Variants in ARMC8 observed in about 807,000 individuals in gnomAD.
The protein encoded by ARMC8 is armadillo repeat-containing protein 8.
Under a neutral mutation model 99.3 loss-of-function variants are expected in ARMC8, and 20 were observed. The observed-to-expected ratio is 0.20, with a 90% confidence interval of 0.14 to 0.29. The LOEUF (loss-of-function observed/expected upper bound fraction) is 0.29, where lower values mean the gene tolerates loss of function less well. Ranked by LOEUF, ARMC8 falls within the 10% of genes least tolerant of loss-of-function variation. ARMC8 has a pLI of 1.00. For synonymous variants in ARMC8, 263 were observed against 278.3 expected (o/e 0.95, Z 0.55); for missense variants, 569 against 809.5 (o/e 0.70, Z 3.60).
intron 2 of ARMC8, among the ~76,000 whole-genome samples, chr3:138,212,388 C>G (rs1238784311): frequency 6.6e-6 from 1 of 151,164 alleles, no homozygotes; most frequent in Non-Finnish European, 1.5e-5. Context: ...CGGCTCACCG[C>G]AACCTCCACC....
In ARMC8 at chr3:138,270,070, C is replaced by T; in HGVS notation, c.1417C>T (p.Leu473Phe). 2 of 1,613,320 alleles carry T rather than the reference C, an allele frequency of 1.2e-6. No homozygotes were observed. Among genetic ancestry groups the T allele is most frequent in the Non-Finnish European group, 1.7e-6 (2 of 1,179,662 alleles). ...PILESGAVEL[L>F]CGLTQSENPA... Reference sequence around the variant, plus strand: ...TTTGGAATCAGGAGCCGTAGAGCTACTTTGTGGATTAACTCAGAGTGAAAA... The same window carrying T: ...TTTGGAATCAGGAGCCGTAGAGCTATTTTGTGGATTAACTCAGAGTGAAAA... The change falls in exon 16 of 22, where the codon CTT (leucine) becomes TTT (phenylalanine). Residue 473 changes from leucine to phenylalanine, a missense_variant. Leu to Phe is a conservative substitution (Grantham distance 22). Coordinates refer to ENST00000469044, the MANE Select transcript of ARMC8 (RefSeq NM_001363941.2).
rs1200142727 is a variant in ARMC8, at chr3:138,253,470, CTT to C, written c.1134+8289_1134+8290del. ...GCCTATGTTTTTAACTATTACATCA[CTT>C]TATACATGCTAAGTTAAATACCATT... On this transcript the variant is annotated intron_variant, in intron 12 of 21. Coordinates refer to ENST00000469044, the MANE Select transcript of ARMC8 (RefSeq NM_001363941.2). Among the ~76,000 whole-genome samples, 3 of 152,254 alleles carry C rather than the reference CTT, an allele frequency of 2.0e-5. No homozygotes were observed. The East Asian group carries it at 5.8e-4, about 29-fold the overall frequency.
At chr3:138,253,814 A>G (rs1426341562) in intron 12 of ARMC8, among the ~76,000 whole-genome samples, 2 of 152,186 alleles carry the variant, frequency 1.3e-5, no homozygotes, top group Non-Finnish European at 2.9e-5. Context: ...CTAAATTGCT[A>G]TGTAGTAATT....
intron 14 of ARMC8, among the ~76,000 whole-genome samples, chr3:138,264,538 G>A (rs1373112624): frequency 6.9e-6 from 1 of 145,580 alleles, no homozygotes; most frequent in African/African-American, 2.5e-5. Context: ...TTCTGCCTCA[G>A]CCTCTCTAGT....
chr3:138,239,861 TAC>T (rs1252628740), intron 10 of ARMC8, among the ~76,000 whole-genome samples: 2 of 152,214 alleles, frequency 1.3e-5, no homozygotes, highest in Admixed American at 1.3e-4. Context: ...AAATTTGTAC[TAC>T]AGTTTTAGAG....
chr3:138,243,081 C>A (rs1482347747), intron 11 of ARMC8, among the ~76,000 whole-genome samples: 1 of 152,180 alleles, frequency 6.6e-6, no homozygotes, highest in Non-Finnish European at 1.5e-5. Flanking sequence ...GATACATGAG[C>A]AACCCTTAGC....
At chr3:138,193,965 CT>C (rs1395505458) in intron 1 of ARMC8, among the ~76,000 whole-genome samples, 1 of 151,786 alleles carries the variant, frequency 6.6e-6, no homozygotes, top group Non-Finnish European at 1.5e-5. Context: ...CTTTGAATCA[CT>C]TTGTAGGCTA....
chr3:138,244,992 T>C, intron 11 of ARMC8, 96 bp from the exon 12 acceptor site: 1 of 1,450,244 alleles, frequency 6.9e-7, no homozygotes, highest in Non-Finnish European at 9.3e-7. Flanking sequence ...CACTAAAATC[T>C]AAAAGTTGTA....
intron 2 of ARMC8, among the ~76,000 whole-genome samples, chr3:138,210,437 A>C (rs1229934450): frequency 6.6e-6 from 1 of 152,202 alleles, no homozygotes; most frequent in East Asian, 1.9e-4. Context: ...TACCAGAGGT[A>C]ATTATGCTCT....
At chr3:138,234,922 A>G in intron 6 of ARMC8, 112 bp from the exon 7 acceptor site, 1 of 799,014 alleles carries the variant, frequency 1.3e-6, no homozygotes, top group Non-Finnish European at 2.0e-6. Flanking sequence ...AGCAAAGAGT[A>G]ACAGGATTCT....
intron 15 of ARMC8, among the ~76,000 whole-genome samples, chr3:138,268,167 C>T (rs370918265): frequency 4.6e-5 from 7 of 151,988 alleles, no homozygotes; most frequent in African/African-American, 1.2e-4. Flanking sequence ...CACTTGAACC[C>T]GGGAGGCAAA....
chr3:138,208,484 A>C (rs1036515789), intron 1 of ARMC8, among the ~76,000 whole-genome samples: 5 of 152,178 alleles, frequency 3.3e-5, no homozygotes, highest in African/African-American at 4.8e-5. Flanking sequence ...GGGGGAAGAA[A>C]ATATATGTTG....
At chr3:138,291,693 G>C (rs2050969279) in intron 21 of ARMC8, among the ~76,000 whole-genome samples, 1 of 152,224 alleles carries the variant, frequency 6.6e-6, no homozygotes, top group African/African-American at 2.4e-5. Context: ...AGATCTCTCT[G>C]AGGATGACAT....
chr3:138,265,053 A>G (rs1249350871), intron 14 of ARMC8, among the ~76,000 whole-genome samples: 2 of 151,764 alleles, frequency 1.3e-5, no homozygotes, highest in Non-Finnish European at 2.9e-5. Context: ...ATGTGCCACT[A>G]TGCCTGGCTA....
intron 5 of ARMC8, among the ~76,000 whole-genome samples, chr3:138,225,342 C>T (rs1478894722): frequency 6.6e-6 from 1 of 152,140 alleles, no homozygotes; most frequent in African/African-American, 2.4e-5. Context: ...ATCTCCTGAC[C>T]TCATGATCTG....
At chr3:138,252,955 C>T (rs1479741506) in intron 12 of ARMC8, among the ~76,000 whole-genome samples, 2 of 151,984 alleles carry the variant, frequency 1.3e-5, no homozygotes, top group African/African-American at 4.8e-5. Context: ...TTCCTACATA[C>T]TGATTCCCTT....
chr3:138,239,820 CAG>C lies in ARMC8; in HGVS notation c.837+294_837+295del, dbSNP rs976314610. ...GTAAAAGTGTACAATTCAGGTGAAA[CAG>C]AAAATATATTTCGTTCTTGATTGTC... On this transcript the variant is annotated intron_variant, in intron 10 of 21. Coordinates refer to ENST00000469044, the MANE Select transcript of ARMC8 (RefSeq NM_001363941.2). Among the ~76,000 whole-genome samples, 37 of 152,194 alleles carry C rather than the reference CAG, an allele frequency of 2.4e-4. No homozygotes were observed. In the South Asian group the frequency reaches 2.9e-3, roughly 12 times the overall value.
At chr3:138,224,996 A>G (rs1156858371) in intron 5 of ARMC8, among the ~76,000 whole-genome samples, 1 of 151,750 alleles carries the variant, frequency 6.6e-6, no homozygotes, top group Non-Finnish European at 1.5e-5. Context: ...CCAGCAGAGT[A>G]GGCTTTGCAG....
chr3:138,262,908 T>C (rs2047896686), intron 12 of ARMC8, among the ~76,000 whole-genome samples: 1 of 152,176 alleles, frequency 6.6e-6, no homozygotes, highest in Non-Finnish European at 1.5e-5. Flanking sequence ...ATCTCAGCTG[T>C]GTGATTACAG....
Sources: gnomAD v4.1 joint callset for allele counts (sites outside exome capture counted in the v4.1 genomes callset) on GRCh38, gnomAD v4.1.1 for gene constraint, MANE v1.5 for transcripts, NCBI Gene and HGNC (gene_info 2026-07-23, HGNC 2026-07-21) for gene names.